ARHGEF2: variants seen among roughly 807,000 people sequenced by gnomAD.
The protein encoded by ARHGEF2 is rho guanine nucleotide exchange factor 2.
Under a neutral mutation model 121.0 loss-of-function variants are expected in ARHGEF2, and 22 were observed. The ratio of observed to expected loss-of-function variants is 0.18; its 90% CI spans 0.13 to 0.26. The LOEUF (loss-of-function observed/expected upper bound fraction) is 0.26. Ranked by LOEUF, ARHGEF2 falls within the 10% of genes least tolerant of loss-of-function variation. ARHGEF2 has a pLI of 1.00. For missense variants in ARHGEF2, 907 were observed against 1,336.0 expected (o/e 0.68, Z 5.01); for synonymous variants, 487 against 530.0 (o/e 0.92, Z 1.11).
Position 155,965,076 on chromosome 1 carries a change from A to G in ARHGEF2, c.636T>C (p.Phe212=), listed in dbSNP as rs1214226581. The change falls in exon 7 of 22, where the codon TTT becomes TTC. Residue 212 remains phenylalanine, a synonymous_variant. Coordinates refer to ENST00000361247, the MANE Select transcript of ARHGEF2 (RefSeq NM_001162383.2). The surrounding 1 kb of genome is among the most constrained non-coding windows in gnomAD (Gnocchi z 6.0). ...CAGCAAGACTCCAAGAGTCAGCTGCAAAGTCCTTCTCATCCATCTCAAAGT... is the reference window on the plus strand; with the variant it reads ...CAGCAAGACTCCAAGAGTCAGCTGCGAAGTCCTTCTCATCCATCTCAAAGT... ...MSDFEMDEKD[F]AADSWSLAVD... The G allele has an allele frequency of 6.2e-7, 1 of 1,614,010 alleles. No individual in the cohort carries two copies. The highest frequency in any genetic ancestry group is 8.5e-7 in the Non-Finnish European group (1 of 1,180,030).
chr1:155,969,825 CT>C (rs1411690317), intron 1 of ARHGEF2: 2 of 986,578 alleles, frequency 2.0e-6, no homozygotes, highest in African/African-American at 3.5e-5. Flanking sequence ...AGGAGATCCC[CT>C]TATTAGATTG....
chr1:155,969,352 C>G (rs771040166), intron 1 of ARHGEF2, 52 bp from the exon 2 acceptor site: 1 of 1,607,114 alleles, frequency 6.2e-7, no homozygotes, highest in South Asian at 1.1e-5. Flanking sequence ...TGCCAGGGTG[C>G]CTGGAGTCCA....
chr1:155,958,175 C>T, intron 12 of ARHGEF2, 145 bp downstream of exon 12: 1 of 695,494 alleles, frequency 1.4e-6, no homozygotes, highest in Non-Finnish European at 2.5e-6. Flanking sequence ...GTGAGCTGCT[C>T]TTATTTTTTA....
In ARHGEF2 at chr1:155,950,224, T is replaced by C; in HGVS notation, c.2887+75A>G. On this transcript the variant is annotated intron_variant, in intron 21 of 21. Transcript: ENST00000361247. This position sits in a 1 kb window ranked among gnomAD's most constrained non-coding sequence, Gnocchi z 5.2. ...AGCCTCACAGGTCAGTTAGGGCCCA[T>C]TTGGAAGCCACAGCCCAATGGCCTG... 1 of 1,557,130 alleles carries C rather than the reference T, an allele frequency of 6.4e-7. No individual in the cohort carries two copies. The highest frequency in any genetic ancestry group is 8.7e-7 in the Non-Finnish European group (1 of 1,149,040).
rs1342179291 is a variant in ARHGEF2 at position 155,951,545 on chromosome 1, C to T, written c.2209-12G>A. ...CGCTGTAACGCCTCCTGAGGACAGA[C>T]AGGGTGGGAACAGGGCCCCAGCTTT... On this transcript the variant is annotated splice_polypyrimidine_tract_variant and intron_variant, in intron 18 of 21. Coordinates refer to ENST00000361247, the MANE Select transcript of ARHGEF2 (RefSeq NM_001162383.2). The surrounding 1 kb of genome is among the most constrained non-coding windows in gnomAD (Gnocchi z 5.1). 1.2e-6 allele frequency: 2 copies of T among 1,614,060 alleles called. No homozygotes were observed. Among genetic ancestry groups the T allele is most frequent in the African/African-American group, 1.3e-5 (1 of 74,908 alleles).
chr1:155,958,457 T>A, intron 11 of ARHGEF2, 61 bp from the exon 12 acceptor site: 1 of 1,361,518 alleles, frequency 7.3e-7, no homozygotes, highest in Non-Finnish European at 1.0e-6. Flanking sequence ...GCTGCTTCCC[T>A]CTTTCCCAAG....
chr1:155,973,052 T>C (rs1243689016), intron 1 of ARHGEF2, among the ~76,000 whole-genome samples: 3 of 151,438 alleles, frequency 2.0e-5, no homozygotes, highest in Non-Finnish European at 4.4e-5. Context: ...GAAGTTCTTC[T>C]TGCTACACAC....
rs1675301746 is a variant in ARHGEF2 at position 155,950,912 on chromosome 1, G to A, written c.2620C>T (p.Pro874Ser). The change falls in exon 20 of 22, where the codon CCC becomes TCC. Residue 874 changes from proline to serine, a missense_variant. Physicochemically the swap from Pro to Ser is moderately conservative, Grantham distance 74. This residue lies in a region of ARHGEF2 where 432 missense variants were observed against 559.5 expected (regional missense o/e 0.77). Coordinates refer to ENST00000361247, the MANE Select transcript of ARHGEF2 (RefSeq NM_001162383.2). This position sits in a 1 kb window ranked among gnomAD's most constrained non-coding sequence, Gnocchi z 5.2. ...GGATCCACAGGTCTGCGGGCCCAGG[G>A]GGCCTCAGCTGGGAGTGGCTCGGTC... The part of the protein sequence containing the change: ...GQTEPLPAEA[P>S]WARRPVDPRR... The A allele has an allele frequency of 6.3e-7, 1 of 1,599,542 alleles. No individual in the cohort carries two copies. The highest frequency in any genetic ancestry group is 1.3e-5 in the African/African-American group (1 of 74,422).
chr1:155,972,946 C>T (rs557540101), intron 1 of ARHGEF2, among the ~76,000 whole-genome samples: 20 of 152,124 alleles, frequency 1.3e-4, no homozygotes, highest in Non-Finnish European at 4.4e-5. Context: ...TCAAGTGATC[C>T]TCCTGCCCCA....
chr1:155,954,886 T>C lies in ARHGEF2; in HGVS notation c.1783+16A>G. On this transcript the variant is annotated intron_variant, in intron 14 of 21. Coordinates refer to ENST00000361247, the MANE Select transcript of ARHGEF2 (RefSeq NM_001162383.2). ...GTATTATAAATTACTAAGGAGCTCC[T>C]TGTGGGTGGACTTACTCTTAATTCG... The C allele has an allele frequency of 1.2e-6, 2 of 1,608,766 alleles. No homozygotes were observed. Among genetic ancestry groups the C allele is most frequent in the South Asian group, 2.2e-5 (2 of 90,024 alleles).
Position 155,954,987 on chromosome 1 carries a change from CG to C in ARHGEF2, c.1716-19del. ...ATGGGCATCTGGAGGGGTAACAGGT[CG>C]CATGCCATTGAGAGACAGAAGCTAG... On this transcript the variant is annotated intron_variant, in intron 13 of 21. Coordinates refer to ENST00000361247, the MANE Select transcript of ARHGEF2 (RefSeq NM_001162383.2). 1 of 1,607,196 alleles carries C rather than the reference CG, an allele frequency of 6.2e-7. No individual in the cohort carries two copies. The highest frequency in any genetic ancestry group is 8.5e-7 in the Non-Finnish European group (1 of 1,176,014).
At chr1:155,956,802 A>G (rs1432093025) in intron 13 of ARHGEF2, among the ~76,000 whole-genome samples, 1 of 151,686 alleles carries the variant, frequency 6.6e-6, no homozygotes, top group Non-Finnish European at 1.5e-5. Context: ...CTAAAAATAC[A>G]AAAATTAGCT....
Position 155,961,760 on chromosome 1 carries a change from C to A in ARHGEF2, c.1369G>T (p.Val457Leu). The change falls in exon 11 of 22, where the codon GTG becomes TTG. Residue 457 changes from valine (V) to leucine (L), a missense_variant. Val to Leu is a conservative substitution (Grantham distance 32). This residue lies in a region of ARHGEF2 where 475 missense variants were observed against 776.5 expected (regional missense o/e 0.61). Coordinates refer to ENST00000361247, the MANE Select transcript of ARHGEF2 (RefSeq NM_001162383.2). The surrounding 1 kb of genome is among the most constrained non-coding windows in gnomAD (Gnocchi z 4.7). ...NRMDPRAQTP[V>L]PGKGPFGREE... is the part of the protein sequence containing the mutation. ...CGGCCAAAGGGGCCCTTGCCAGGCA[C>A]TGGGGTTTGGGCCCGAGGGTCCATG... 6.2e-7 allele frequency: 1 copy of A among 1,614,232 alleles called. No homozygotes were observed. The highest frequency in any genetic ancestry group is 8.5e-7 in the Non-Finnish European group (1 of 1,180,040).
intron 1 of ARHGEF2, among the ~76,000 whole-genome samples, chr1:155,975,288 T>C (rs1020250547): frequency 3.9e-5 from 6 of 152,110 alleles, no homozygotes; most frequent in Admixed American, 3.9e-4. Context: ...ACACAGGGGA[T>C]GCACACATTC....
chr1:155,958,780 G>T (rs1172766733), intron 11 of ARHGEF2, among the ~76,000 whole-genome samples: 3 of 151,578 alleles, frequency 2.0e-5, no homozygotes, highest in Non-Finnish European at 4.4e-5. Flanking sequence ...GTTTCACCAT[G>T]TTGGTCAGGC....
chr1:155,971,453 C>G (rs1268944218), intron 1 of ARHGEF2, among the ~76,000 whole-genome samples: 1 of 151,700 alleles, frequency 6.6e-6, no homozygotes, highest in Non-Finnish European at 1.5e-5. Context: ...GTGGCAGGCA[C>G]CTGTAATCCC....
rs1173247458 is a variant in ARHGEF2, at chr1:155,952,630, T to G, written c.1982A>C (p.Glu661Ala). The G allele has an allele frequency of 6.2e-7, 1 of 1,610,370 alleles. No homozygotes were observed. Among genetic ancestry groups the G allele is most frequent in the Admixed American group, 1.7e-5 (1 of 59,906 alleles). ...GERLLQDAIR[E>A]VEGLKDLLVG... ...CTCTTCCCTGGGAGCTCCCTCACCC[T>G]CACGGATGGCATCCTGCAGCAGCCG... The change falls in exon 15 of 22, where the codon GAG becomes GCG. Residue 661 changes from glutamate to alanine, a missense_variant and splice_region_variant. Glu to Ala is a moderately radical substitution (Grantham distance 107). Coordinates refer to ENST00000361247, the MANE Select transcript of ARHGEF2 (RefSeq NM_001162383.2).
chr1:155,953,441 A>G (rs1008963534), intron 14 of ARHGEF2, among the ~76,000 whole-genome samples: 1 of 152,128 alleles, frequency 6.6e-6, no homozygotes, highest in African/African-American at 2.4e-5. Flanking sequence ...CTACATGACT[A>G]CATTCTGGCC....
At chr1:155,970,517 C>T (rs1224411344) in intron 1 of ARHGEF2, 1 of 985,410 alleles carries the variant, frequency 1.0e-6, no homozygotes, top group African/African-American at 1.7e-5. Flanking sequence ...GTTTCCCAGG[C>T]TCTCAGAAAT....
Sources: allele counts gnomAD v4.1 joint callset (sites outside exome capture counted in the v4.1 genomes callset), GRCh38; gene constraint gnomAD v4.1.1; regional missense constraint gnomAD v4.1.1; non-coding constraint Gnocchi (gnomAD v3.1); transcripts MANE v1.5; gene names NCBI Gene and HGNC (gene_info 2026-07-23, HGNC 2026-07-21).